ZNF420: variants seen among roughly 807,000 people sequenced by gnomAD.
The protein encoded by ZNF420 is ATM and p53-associated KZNF protein.
Under a neutral mutation model 44.7 loss-of-function variants are expected in ZNF420, and 31 were observed. The observed-to-expected ratio is 0.69, with a 90% CI of 0.52 to 0.94. The LOEUF is 0.94. Ranked by LOEUF, ZNF420 falls within the 40% of genes least tolerant of loss-of-function variation. The probability of loss-of-function intolerance (pLI) is 0.00; values close to 1 mark genes in which losing one functional copy is unlikely to be tolerated. For synonymous variants in ZNF420, 245 were observed against 267.4 expected (o/e 0.92, Z 0.82); for missense variants, 681 against 827.9 (o/e 0.82, Z 2.18).
At position 37,128,355 on chromosome 19, in the gene ZNF420, C is replaced by T. The variant is rs1325858710; in HGVS notation, c.1364C>T (p.Thr455Ile). The T allele has an allele frequency of 6.2e-7, 1 of 1,613,924 alleles. No individual in the cohort carries two copies. Among genetic ancestry groups the T allele is most frequent in the Non-Finnish European group, 8.5e-7 (1 of 1,179,956 alleles). ...KPYECKECGKTFSRGSELTQH... is the reference protein window; with the variant it reads ...KPYECKECGKIFSRGSELTQH... ...TATGAATGTAAAGAATGTGGAAAAA[C>T]CTTTAGTCGTGGCTCAGAACTTACT... The change falls in exon 5 of 5, where the codon ACC (threonine) becomes ATC (isoleucine). Residue 455 changes from threonine to isoleucine, a missense_variant. Physicochemically the swap from Thr to Ile is moderately conservative, Grantham distance 89 (BLOSUM62 -1). Transcript: ENST00000337995.
At chr19:37,014,100 G>A (rs927657032) in intron 1 of ZNF420, among the ~76,000 whole-genome samples, 4 of 152,154 alleles carry the variant, frequency 2.6e-5, no homozygotes, top group African/African-American at 7.2e-5. Context: ...GAGGCGAGAG[G>A]TTTCTGCAAA....
At chr19:37,079,331 C>G (rs1429299521) in intron 1 of ZNF420, among the ~76,000 whole-genome samples, 1 of 152,136 alleles carries the variant, frequency 6.6e-6, no homozygotes, top group Non-Finnish European at 1.5e-5. Context: ...TAGTCCAGTA[C>G]AGAAGTAAAT....
At chr19:37,116,098 G>A (rs1420673764) in intron 4 of ZNF420, among the ~76,000 whole-genome samples, 2 of 152,096 alleles carry the variant, frequency 1.3e-5, no homozygotes, top group Non-Finnish European at 1.5e-5. Context: ...ACAAAATGGA[G>A]TCTCTTATGT....
intron 1 of ZNF420, among the ~76,000 whole-genome samples, chr19:37,064,633 C>A (rs772411211): frequency 6.6e-6 from 1 of 152,106 alleles, no homozygotes; most frequent in South Asian, 2.1e-4. Flanking sequence ...ATCAGTCCCC[C>A]CTAGAAGAAG....
At chr19:37,037,247 G>A (rs940715871) in intron 1 of ZNF420, among the ~76,000 whole-genome samples, 1 of 152,194 alleles carries the variant, frequency 6.6e-6, no homozygotes, top group African/African-American at 2.4e-5. Context: ...AGAAGAGAAC[G>A]TGAGAGCTCT....
At chr19:37,076,525 A>C (rs2146462668), upstream of ZNF420, among the ~76,000 whole-genome samples, 1 of 150,984 alleles carries the variant, frequency 6.6e-6, no homozygotes, top group East Asian at 2.0e-4. Flanking sequence ...CCCTCCCCCT[A>C]CCCCCACTCC....
chr19:37,116,350 C>G (rs1468761979), intron 4 of ZNF420, among the ~76,000 whole-genome samples: 1 of 124,968 alleles, frequency 8.0e-6, no homozygotes, highest in Non-Finnish European at 1.6e-5. Flanking sequence ...GCCTGGGCAA[C>G]AGAGCAGGAC....
chr19:37,074,526 A>G (rs1330176011), upstream of ZNF420, among the ~76,000 whole-genome samples: 1 of 152,210 alleles, frequency 6.6e-6, no homozygotes, highest in African/African-American at 2.4e-5. Context: ...AGGCCCACCT[A>G]CTGTAATGTG....
intron 1 of ZNF420, among the ~76,000 whole-genome samples, chr19:37,008,385 C>T (rs370816848): frequency 6.6e-6 from 1 of 152,182 alleles, no homozygotes; most frequent in South Asian, 2.1e-4. Flanking sequence ...GCATGTCGGC[C>T]TGTCTTTGGT....
intron 1 of ZNF420, among the ~76,000 whole-genome samples, chr19:37,033,916 C>G (rs1275998299): frequency 1.3e-5 from 2 of 152,122 alleles, no homozygotes; most frequent in African/African-American, 4.8e-5. Context: ...AGCACCACGC[C>G]TGGCTAATTT....
chr19:37,102,813 T>C (rs1044272319), intron 4 of ZNF420, among the ~76,000 whole-genome samples: 2 of 152,210 alleles, frequency 1.3e-5, no homozygotes, highest in Non-Finnish European at 1.5e-5. Context: ...CATAAACACT[T>C]TTTAACTCCT....
chr19:37,089,636 C>G (rs1334281891), intron 3 of ZNF420, among the ~76,000 whole-genome samples: 1 of 152,084 alleles, frequency 6.6e-6, no homozygotes, highest in Non-Finnish European at 1.5e-5. Flanking sequence ...ATTTGAAATT[C>G]GACATTATGT....
chr19:37,012,679 C>T (rs974235768), intron 1 of ZNF420, among the ~76,000 whole-genome samples: 4 of 152,094 alleles, frequency 2.6e-5, no homozygotes, highest in African/African-American at 7.2e-5. Context: ...TGCTCTCTCA[C>T]CCGAGAGTCG....
chr19:37,101,430 G>A (rs1430905425), intron 4 of ZNF420, among the ~76,000 whole-genome samples: 1 of 152,214 alleles, frequency 6.6e-6, no homozygotes, highest in Non-Finnish European at 1.5e-5. Flanking sequence ...TGGAGGCAGA[G>A]GTTGCAGTGA....
intron 2 of ZNF420, among the ~76,000 whole-genome samples, chr19:37,082,486 G>A (rs1476296225): frequency 6.6e-6 from 1 of 152,052 alleles, no homozygotes; most frequent in Admixed American, 6.6e-5. Flanking sequence ...TCTTTTAATT[G>A]GAGTATTTAG....
chr19:37,014,343 A>T (rs826324), intron 1 of ZNF420, among the ~76,000 whole-genome samples: 85,001 of 151,920 alleles, frequency 0.56, 25,309 homozygotes, highest in African/African-American at 0.75. Flanking sequence ...CTCAGCTGTT[A>T]CTGTGCCCCA....
At chr19:37,073,668 A>T (rs557263292), upstream of ZNF420, among the ~76,000 whole-genome samples, 1 of 146,032 alleles carries the variant, frequency 6.8e-6, no homozygotes, top group East Asian at 2.2e-4. Flanking sequence ...CTGACCCGGG[A>T]GGTGGAGGTT....
intron 4 of ZNF420, among the ~76,000 whole-genome samples, chr19:37,115,993 G>C (rs1970660018): frequency 6.6e-6 from 1 of 152,096 alleles, no homozygotes; most frequent in South Asian, 2.1e-4. Context: ...ATTAAACCTT[G>C]AGTCAACACA....
intron 2 of ZNF420, among the ~76,000 whole-genome samples, chr19:37,087,298 T>C (rs71356034): frequency 9.4e-6 from 1 of 106,454 alleles, no homozygotes; most frequent in Non-Finnish European, 1.9e-5. Context: ...AAAAAATAAA[T>C]AAATAAATAA....
Sources: allele counts gnomAD v4.1 joint callset (sites outside exome capture counted in the v4.1 genomes callset), GRCh38; gene constraint gnomAD v4.1.1; transcripts MANE v1.5; gene names NCBI Gene and HGNC (gene_info 2026-07-23, HGNC 2026-07-21).